COL23A1: variants seen among roughly 807,000 people sequenced by gnomAD.
COL23A1 encodes collagen alpha-1(XXIII) chain.
COL23A1 carries 97 observed loss-of-function variants against 99.3 expected under a neutral mutation model. That is an observed-to-expected ratio of 0.98 (90% CI 0.83 to 1.16). The LOEUF (loss-of-function observed/expected upper bound fraction) is 1.16. COL23A1 is among the 50% of genes most tolerant of loss of function. The probability of loss-of-function intolerance (pLI) is 0.00; values close to 1 mark genes in which losing one functional copy is unlikely to be tolerated. For missense variants in COL23A1, 762 were observed against 757.4 expected (o/e 1.01, Z -0.07); for synonymous variants, 320 against 308.2 (o/e 1.04, Z -0.40).
chr5:178,276,285 C>T (rs1017930201), intron 5 of COL23A1, among the ~76,000 whole-genome samples: 4 of 152,000 alleles, frequency 2.6e-5, no homozygotes, highest in East Asian at 3.8e-4. Context: ...ATAAACTGGC[C>T]GCGTTTAGAA....
At chr5:178,331,461 C>T (rs545149502) in intron 2 of COL23A1, among the ~76,000 whole-genome samples, 9 of 152,356 alleles carry the variant, frequency 5.9e-5, no homozygotes, top group African/African-American at 1.9e-4. Flanking sequence ...TGGCACTTGT[C>T]TTCTGGATTG....
intron 2 of COL23A1, among the ~76,000 whole-genome samples, chr5:178,522,362 T>C (rs1434730123): frequency 6.6e-6 from 1 of 152,120 alleles, no homozygotes; most frequent in East Asian, 1.9e-4. Flanking sequence ...GACATACATA[T>C]TTAGCCCACG....
Position 178,556,667 on chromosome 5 carries a change from A to AAAATAAAATAAAATAAAATAAAATT in COL23A1, c.361+4014_361+4015insAATTTTATTTTATTTTATTTTATTT, listed in dbSNP as rs1367642868. 1.1e-3 allele frequency among the ~76,000 whole-genome samples: 169 copies of AAAATAAAATAAAATAAAATAAAATT among 150,848 alleles called. 2 individuals are homozygous for AAAATAAAATAAAATAAAATAAAATT. The highest frequency in any genetic ancestry group is 6.9e-3 in the Middle Eastern group (2 of 290). ...AAAATAAAATAAAATAAAATAAAATAAAAAAGCTGAGTGTGGTAGCTCATG... is the reference window on the plus strand; with the variant it reads ...AAAATAAAATAAAATAAAATAAAATAAAATAAAATAAAATAAAATAAAATTAAAAAGCTGAGTGTGGTAGCTCATG... On this transcript the variant is annotated intron_variant, in intron 2 of 28. Coordinates refer to ENST00000390654, the MANE Select transcript of COL23A1 (RefSeq NM_173465.4).
intron 2 of COL23A1, among the ~76,000 whole-genome samples, chr5:178,420,684 C>A (rs1479932427): frequency 1.0e-5 from 1 of 99,422 alleles, no homozygotes; most frequent in African/African-American, 4.2e-5. Flanking sequence ...CTCCCCTCTC[C>A]CCCACTTTCC....
At chr5:178,569,854 T>C (rs909628650) in intron 1 of COL23A1, among the ~76,000 whole-genome samples, 3 of 152,176 alleles carry the variant, frequency 2.0e-5, no homozygotes, top group African/African-American at 7.2e-5. Context: ...ATGCTGCACA[T>C]CCCTGACTTC....
intron 5 of COL23A1, among the ~76,000 whole-genome samples, chr5:178,273,079 G>A (rs1200013348): frequency 1.3e-5 from 2 of 152,182 alleles, no homozygotes; most frequent in African/African-American, 4.8e-5. Flanking sequence ...TGGCCTCCCG[G>A]CCGCTCTCTC....
Position 178,237,643 on chromosome 5 carries a change from A to C in COL23A1, c.*1055T>G, listed in dbSNP as rs1427715764. ...GACACGCACTTGTGGTTTATTACAC[A>C]CAGTGATCTCCATCTACACGGAAAT... On this transcript the variant is annotated 3_prime_UTR_variant, in exon 29 of 29. Transcript: ENST00000390654. 6.6e-6 allele frequency: 1 copy of C among 152,144 alleles called. No individual in the cohort carries two copies. Among genetic ancestry groups the C allele is most frequent in the East Asian group, 2.0e-4 (1 of 5,118 alleles). The allele number at this position is 152,144 out of a possible 1,614,324, so 9.4% of individuals were successfully genotyped here.
intron 2 of COL23A1, among the ~76,000 whole-genome samples, chr5:178,355,542 ATTTTTTT>A: frequency 6.6e-6 from 1 of 152,060 alleles, no homozygotes; most frequent in Admixed American, 6.5e-5. Context: ...GTTTGTTTTT[ATTTTTTT>A]GGAGACAGAG....
chr5:178,346,240 T>G (rs1760964180), intron 2 of COL23A1, among the ~76,000 whole-genome samples: 1 of 152,174 alleles, frequency 6.6e-6, no homozygotes, highest in Admixed American at 6.5e-5. Flanking sequence ...TGTTGTTGTT[T>G]GTTTGTTTTT....
At chr5:178,383,205 CCTAGGTGCTGCGG>C (rs565679143) in intron 2 of COL23A1, among the ~76,000 whole-genome samples, 128 of 151,800 alleles carry the variant, frequency 8.4e-4, no homozygotes, top group African/African-American at 3.0e-3. Flanking sequence ...CTGGAACTTT[CCTAGGTGCTGCGG>C]CTACTGGTCT....
chr5:178,370,722 A>G (rs987603011), intron 2 of COL23A1, among the ~76,000 whole-genome samples: 13 of 152,218 alleles, frequency 8.5e-5, no homozygotes, highest in African/African-American at 3.1e-4. Context: ...GAATAATAAA[A>G]TTATTCAATC....
intron 2 of COL23A1, among the ~76,000 whole-genome samples, chr5:178,512,597 G>T (rs1372013109): frequency 1.3e-5 from 2 of 152,214 alleles, no homozygotes; most frequent in Non-Finnish European, 2.9e-5. Context: ...AGATTCTAAA[G>T]TGAATCTTGA....
At chr5:178,533,221 T>G (rs12653107) in intron 2 of COL23A1, among the ~76,000 whole-genome samples, 64,027 of 152,064 alleles carry the variant, frequency 0.42, 14,264 homozygotes, top group Non-Finnish European at 0.51. Flanking sequence ...AAATTTACCA[T>G]TTTAGCTATT....
At chr5:178,249,736 TCTCTC>T (rs1764927797) in intron 18 of COL23A1, among the ~76,000 whole-genome samples, 1 of 143,760 alleles carries the variant, frequency 7.0e-6, no homozygotes, top group Non-Finnish European at 1.5e-5. Flanking sequence ...TCTCTCTCTC[TCTCTC>T]TCTCTCTCTC....
Position 178,589,574 on chromosome 5 carries a change from C to A in COL23A1, c.294+330G>T, listed in dbSNP as rs1167143773. ...CTTTATCCCCGACTCTGGCCGCCGG[C>A]GGGAAGCGGCGTGTCCGAGCGCACA... On this transcript the variant is annotated intron_variant, in intron 1 of 28. Transcript: ENST00000390654. This position sits in a 1 kb window ranked among gnomAD's most constrained non-coding sequence, Gnocchi z 5.4. Among the ~76,000 whole-genome samples, 1 of 152,202 alleles carries A rather than the reference C, an allele frequency of 6.6e-6. No individual in the cohort carries two copies. The highest frequency in any genetic ancestry group is 1.5e-5 in the Non-Finnish European group (1 of 68,038).
At chr5:178,493,943 G>C (rs901576358) in intron 2 of COL23A1, among the ~76,000 whole-genome samples, 66 of 152,270 alleles carry the variant, frequency 4.3e-4, no homozygotes, top group African/African-American at 1.4e-3. Flanking sequence ...ACAAATCCCA[G>C]AACAGACTTT....
At chr5:178,335,755 C>T (rs1280613171) in intron 2 of COL23A1, among the ~76,000 whole-genome samples, 1 of 152,172 alleles carries the variant, frequency 6.6e-6, no homozygotes, top group African/African-American at 2.4e-5. Context: ...AGGAACTAGA[C>T]CTAGGACACT....
At chr5:178,516,754 C>G (rs1463022529) in intron 2 of COL23A1, among the ~76,000 whole-genome samples, 1 of 152,200 alleles carries the variant, frequency 6.6e-6, no homozygotes, top group Admixed American at 6.5e-5. Context: ...GGGTGCCCCT[C>G]CTAGTCTCCC....
At chr5:178,314,721 T>A (rs67704749) in intron 2 of COL23A1, among the ~76,000 whole-genome samples, 1 of 152,086 alleles carries the variant, frequency 6.6e-6, no homozygotes, top group Non-Finnish European at 1.5e-5. Context: ...CGGTATTAAC[T>A]CACATATTCC....
Sources: allele counts gnomAD v4.1 joint callset (sites outside exome capture counted in the v4.1 genomes callset), GRCh38; gene constraint gnomAD v4.1.1; non-coding constraint Gnocchi (gnomAD v3.1); transcripts MANE v1.5; gene names NCBI Gene and HGNC (gene_info 2026-07-23, HGNC 2026-07-21).